The following GSE1 variants were observed in gnomAD, a reference collection of about 807,000 sequenced individuals.
GSE1 encodes Gse1 coiled-coil protein.
GSE1 carries 32 observed loss-of-function variants against 112.6 expected under a neutral mutation model. That is an observed-to-expected ratio of 0.28 (90% confidence interval 0.21 to 0.38). The LOEUF is 0.38. Ranked by LOEUF, GSE1 falls within the 10% of genes least tolerant of loss-of-function variation. The probability of loss-of-function intolerance (pLI) is 1.00; values close to 1 mark genes in which losing one functional copy is unlikely to be tolerated. For missense variants in GSE1, 2,348 were observed against 1,699.2 expected (o/e 1.38, Z -6.71); for synonymous variants, 1,115 against 735.6 (o/e 1.52, Z -8.35).
intron 2 of GSE1, among the ~76,000 whole-genome samples, chr16:85,533,395 G>A (rs2044200020): frequency 6.6e-6 from 1 of 152,106 alleles, no homozygotes; most frequent in Admixed American, 6.5e-5. Flanking sequence ...ACTCCAGCCT[G>A]GGCGACACAG....
chr16:85,252,986 C>T (rs1335575826), intron 1 of GSE1, among the ~76,000 whole-genome samples: 6 of 151,046 alleles, frequency 4.0e-5, no homozygotes, highest in South Asian at 2.1e-4. Context: ...TCCCTGCCCT[C>T]GGCAGCCCCT....
chr16:85,449,410 G>T (rs762392488), intron 2 of GSE1, among the ~76,000 whole-genome samples: 1 of 152,252 alleles, frequency 6.6e-6, no homozygotes. Flanking sequence ...GGCCGAGGCC[G>T]CATGGGGGGC....
intron 1 of GSE1, among the ~76,000 whole-genome samples, chr16:85,356,197 G>A (rs180911767): frequency 4.7e-4 from 72 of 152,328 alleles, no homozygotes; most frequent in East Asian, 2.9e-3. Context: ...AGTTGGCGTC[G>A]TCACCATCAG....
At chr16:85,651,690 T>G (rs1335397730) in intron 3 of GSE1, among the ~76,000 whole-genome samples, 1 of 152,224 alleles carries the variant, frequency 6.6e-6, no homozygotes, top group Non-Finnish European at 1.5e-5. Flanking sequence ...AGCCCTCTTC[T>G]GACTCTGGCC....
intron 1 of GSE1, among the ~76,000 whole-genome samples, chr16:85,265,163 C>G (rs1908108331): frequency 1.3e-5 from 2 of 152,174 alleles, no homozygotes; most frequent in Non-Finnish European, 2.9e-5. Context: ...TTTTGTTATT[C>G]TTAAGGGCAA....
intron 1 of GSE1, among the ~76,000 whole-genome samples, chr16:85,200,158 A>G (rs542261142): frequency 6.6e-6 from 1 of 152,156 alleles, no homozygotes; most frequent in East Asian, 1.9e-4. Context: ...CCCACCTTCA[A>G]ATATGCTCGG....
At chr16:85,357,939 C>G (rs1014597862) in intron 2 of GSE1, among the ~76,000 whole-genome samples, 1 of 152,128 alleles carries the variant, frequency 6.6e-6, no homozygotes, top group African/African-American at 2.4e-5. Context: ...TGTCTTCATT[C>G]ATTCATTAAA....
At chr16:85,283,313 C>G (rs1050759832) in intron 1 of GSE1, 1 of 152,796 alleles carries the variant, frequency 6.5e-6, no homozygotes, top group Admixed American at 6.5e-5. Flanking sequence ...AAACGCCCCA[C>G]GGGGCCCCTG....
intron 1 of GSE1, among the ~76,000 whole-genome samples, chr16:85,173,181 A>G (rs937586010): frequency 6.6e-6 from 1 of 152,226 alleles, no homozygotes; most frequent in Non-Finnish European, 1.5e-5. Context: ...GACTGACCCC[A>G]GTTCATTTGT....
chr16:85,289,426 T>C (rs1244479064), intron 1 of GSE1, among the ~76,000 whole-genome samples: 5 of 152,154 alleles, frequency 3.3e-5, no homozygotes, highest in Admixed American at 3.3e-4. Context: ...TTGCTTCGTG[T>C]CCCCTAAGTG....
At chr16:85,467,819 T>TA (rs768177823) in intron 2 of GSE1, among the ~76,000 whole-genome samples, 2 of 152,238 alleles carry the variant, frequency 1.3e-5, no homozygotes, top group Non-Finnish European at 2.9e-5. Context: ...GACTGCCACA[T>TA]ACCTGCTAGG....
chr16:85,244,602 C>G (rs1487259662), intron 1 of GSE1, among the ~76,000 whole-genome samples: 3 of 152,324 alleles, frequency 2.0e-5, no homozygotes, highest in East Asian at 3.9e-4. Flanking sequence ...GTAATCCTAG[C>G]ACGATGGGAG....
At chr16:85,662,838 G>A (rs2052542758) in intron 9 of GSE1, 143 bp from the exon 10 acceptor site, 1 of 621,354 alleles carries the variant, frequency 1.6e-6, no homozygotes, top group Non-Finnish European at 2.9e-6. Flanking sequence ...TTCCACCTCG[G>A]TTGAAAGGAA....
At position 85,502,181 on chromosome 16, in the gene GSE1, G is replaced by A. The variant is rs1451645858; in HGVS notation, c.2465-131733G>A. Among the ~76,000 whole-genome samples, 8 of 152,226 alleles carry A rather than the reference G, an allele frequency of 5.3e-5. No individual in the cohort carries two copies. In the South Asian group the frequency reaches 8.3e-4, roughly 16 times the overall value. On this transcript the variant is annotated intron_variant, in intron 2 of 2. Transcript: ENST00000637419. ...GATGGAACTGCCCAGCTGAGCTTGG[G>A]ACAGCCAGGGGGACCATATGGGCTG...
rs1005235183 is a variant in GSE1 at position 85,341,572 on chromosome 16, C to T, written c.2284-15891C>T. Among the ~76,000 whole-genome samples the T allele has an allele frequency of 5.9e-5, 9 of 152,046 alleles. No homozygotes were observed. The East Asian group carries it at 1.4e-3, about 23-fold the overall frequency. ...ACACGGGAGGCTGAGGCAGGAGAAT[C>T]GCTTGAACCCGGGAGGCAGAGGTGC... On this transcript the variant is annotated intron_variant, in intron 1 of 2. Coordinates refer to the GSE1 transcript ENST00000637419.
chr16:85,215,418 G>A lies in GSE1; in HGVS notation c.2283+43611G>A, dbSNP rs117579125. On this transcript the variant is annotated intron_variant, in intron 1 of 2. Transcript: ENST00000637419. ...ACACTCAGAAGGGGAAGGGTTGTGG[G>A]GGGGCCAGGGATAAAAACTACACCT... Among the ~76,000 whole-genome samples, 1,389 of 152,244 alleles carry A rather than the reference G, an allele frequency of 9.1e-3. 12 individuals are homozygous for A. Among genetic ancestry groups the A allele is most frequent in the Non-Finnish European group, 0.016 (1,071 of 68,014 alleles).
At chr16:85,471,705 C>G (rs914007203) in intron 2 of GSE1, among the ~76,000 whole-genome samples, 11 of 127,118 alleles carry the variant, frequency 8.7e-5, no homozygotes, top group African/African-American at 3.2e-4. Flanking sequence ...GCACCCAGCC[C>G]ATTTATTTCT....
rs1295844120 is a variant in GSE1 at position 85,675,446 on chromosome 16, G to C, written c.*2907G>C. 6.6e-6 allele frequency: 1 copy of C among 152,212 alleles called. No individual in the cohort carries two copies. Among genetic ancestry groups the C allele is most frequent in the African/African-American group, 2.4e-5 (1 of 41,438 alleles). The allele number at this position is 152,212 out of a possible 1,614,324, so 9.4% of individuals were successfully genotyped here. A position where few individuals can be genotyped will look rare whatever the true frequency, so the allele number is the denominator to read the frequency against. ...TCTGTTGTCTCAGATAAGTGACCAA[G>C]ACGGGACTTTCCACATTTTAGTCTA... On this transcript the variant is annotated 3_prime_UTR_variant, in exon 16 of 16. Transcript: ENST00000253458.
At chr16:85,331,359 G>GTATATATATGTATATATA (rs1192723319) in intron 1 of GSE1, among the ~76,000 whole-genome samples, 4 of 54,510 alleles carry the variant, frequency 7.3e-5, no homozygotes, top group East Asian at 1.1e-3. Flanking sequence ...GTGTGTGTGT[G>GTATATATATGTATATATA]TGTGTGTATA....
Sources: allele counts gnomAD v4.1 joint callset (sites outside exome capture counted in the v4.1 genomes callset), GRCh38; gene constraint gnomAD v4.1.1; transcripts MANE v1.5; gene names NCBI Gene and HGNC (gene_info 2026-07-23, HGNC 2026-07-21).